MED4: variants seen among roughly 807,000 people sequenced by gnomAD.
MED4 encodes the protein mediator of RNA polymerase II transcription subunit 4.
A neutral mutation model predicts 35.0 loss-of-function variants in MED4; 21 were observed. The observed-to-expected ratio is 0.60, with a 90% CI of 0.43 to 0.86. The LOEUF is 0.86. Ranked by LOEUF, MED4 falls within the 40% of genes least tolerant of loss-of-function variation. MED4 has a pLI of 0.00. For synonymous variants in MED4, 138 were observed against 114.0 expected (o/e 1.21, Z -1.34); for missense variants, 300 against 319.4 (o/e 0.94, Z 0.46).
chr13:48,078,861 A>G (rs1430649223), intron 6 of MED4, among the ~76,000 whole-genome samples: 2 of 152,234 alleles, frequency 1.3e-5, no homozygotes, highest in Non-Finnish European at 2.9e-5. Flanking sequence ...ATTATTAATG[A>G]CACAGGGACA....
chr13:48,082,943 ACTGGCTCTGACTTCATGTACGT>A (rs1402963288), intron 4 of MED4, among the ~76,000 whole-genome samples: 9 of 152,328 alleles, frequency 5.9e-5, no homozygotes, highest in Admixed American at 1.3e-4. Flanking sequence ...CAAGGGTATA[ACTGGCTCTGACTTCATGTACGT>A]CTGGCTCTGA....
chr13:48,080,200 C>G (rs1178257296), intron 5 of MED4, among the ~76,000 whole-genome samples: 1 of 150,674 alleles, frequency 6.6e-6, no homozygotes, highest in Non-Finnish European at 1.5e-5. Context: ...AGTTCAAGAC[C>G]AGCCTGGCCA....
intron 2 of MED4, among the ~76,000 whole-genome samples, chr13:48,090,050 C>G (rs143609994): frequency 6.6e-6 from 1 of 152,088 alleles, no homozygotes; most frequent in South Asian, 2.1e-4. Context: ...ATACAACAAG[C>G]CTTTCTTGGT....
intron 6 of MED4, 200 bp from the exon 7 acceptor site, chr13:48,077,511 A>C: frequency 2.7e-6 from 1 of 374,566 alleles, no homozygotes; most frequent in Non-Finnish European, 4.7e-6. Context: ...ACCTAGGCTC[A>C]AGCAATCCTC....
At position 48,081,671 on chromosome 13, in the gene MED4, A is replaced by G; in HGVS notation, c.482T>C (p.Val161Ala). Residue 161 changes from valine to alanine, a missense_variant, in exon 5 of 7, where the codon GTA becomes GCA. By Grantham distance (64) the Val-to-Ala change is moderately conservative (BLOSUM62 0). Transcript: ENST00000258648. ...YAHRISASNA[V>A]CAPLTWVPGD... ...TGGAACCCAGGTCAGTGGAGCACAT[A>G]CAGCATTACTTGCACTGATCCTATG... 1.9e-6 allele frequency: 3 copies of G among 1,612,096 alleles called. No individual in the cohort carries two copies. The South Asian group carries it at 3.3e-5, about 18-fold the overall frequency.
At chr13:48,081,611 CAT>C in intron 5 of MED4, 32 bp downstream of exon 5, 1 of 1,481,528 alleles carries the variant, frequency 6.7e-7, no homozygotes, top group Non-Finnish European at 9.3e-7. Context: ...TTCAAAACCA[CAT>C]ATATCTAGTA....
intron 2 of MED4, among the ~76,000 whole-genome samples, chr13:48,088,479 C>T (rs1288439175): frequency 6.6e-6 from 1 of 152,196 alleles, no homozygotes; most frequent in African/African-American, 2.4e-5. Flanking sequence ...ATTTAACAGA[C>T]TTCTAATCCT....
chr13:48,089,012 G>A (rs1387429906), intron 2 of MED4, among the ~76,000 whole-genome samples: 1 of 152,162 alleles, frequency 6.6e-6, no homozygotes, highest in East Asian at 1.9e-4. Context: ...TGAATAATCT[G>A]TGTGCCTGGC....
intron 2 of MED4, among the ~76,000 whole-genome samples, chr13:48,087,131 C>T (rs924992862): frequency 2.2e-4 from 34 of 151,456 alleles, no homozygotes; most frequent in African/African-American, 8.0e-4. Flanking sequence ...TTTGGGAGGC[C>T]GAGGCAGGCG....
chr13:48,079,665 G>A (rs569741857), intron 6 of MED4, 179 bp downstream of exon 6: 1 of 585,454 alleles, frequency 1.7e-6, no homozygotes, highest in South Asian at 2.1e-5. Context: ...ACTTGAACCT[G>A]GGAGCCAAGA....
chr13:48,081,789 A>G, intron 4 of MED4, 58 bp from the exon 5 acceptor site: 1 of 1,065,518 alleles, frequency 9.4e-7, no homozygotes, highest in East Asian at 2.6e-5. Flanking sequence ...ACAAGTTTAG[A>G]AATGTATCTA....
At chr13:48,093,150 A>G (rs959067337) in intron 1 of MED4, among the ~76,000 whole-genome samples, 1 of 152,246 alleles carries the variant, frequency 6.6e-6, no homozygotes, top group Non-Finnish European at 1.5e-5. Context: ...TAGAGCCTAC[A>G]TTATTAGCAG....
chr13:48,086,154 T>G, intron 3 of MED4, 128 bp downstream of exon 3: 1 of 803,262 alleles, frequency 1.2e-6, no homozygotes, highest in South Asian at 1.8e-5. Context: ...CAATGGTGAG[T>G]GACAAGATAT....
intron 6 of MED4, 66 bp from the exon 7 acceptor site, chr13:48,077,377 C>G (rs1950768944): frequency 8.1e-7 from 1 of 1,238,340 alleles, no homozygotes; most frequent in Non-Finnish European, 1.1e-6. Flanking sequence ...CTTACTTTTC[C>G]CTTTATGCAA....
chr13:48,094,997 C>T lies in MED4; in HGVS notation c.82G>A (p.Glu28Lys), dbSNP rs1401629201. Reference protein sequence around the residue: ...LGVAGGNSTRERLLSALEDLE... With the variant: ...LGVAGGNSTRKRLLSALEDLE... Reference sequence around the variant, plus strand: ...TCCTCAAGCGCAGACAGCAGCCGCTCTCGTGTGCTGTTACCACCCGCCACT... The same window carrying T: ...TCCTCAAGCGCAGACAGCAGCCGCTTTCGTGTGCTGTTACCACCCGCCACT... Residue 28 changes from glutamate (E) to lysine (K), a missense_variant, in exon 1 of 7, where the codon GAG becomes AAG. Coordinates refer to ENST00000258648, the MANE Select transcript of MED4 (RefSeq NM_014166.4). 1 of 1,604,132 alleles carries T rather than the reference C, an allele frequency of 6.2e-7. No homozygotes were observed. Among genetic ancestry groups the T allele is most frequent in the African/African-American group, 1.3e-5 (1 of 74,914 alleles).
chr13:48,094,760 CCTCTAA>C (rs1950915568), intron 1 of MED4, among the ~76,000 whole-genome samples, 188 bp downstream of exon 1: 1 of 152,144 alleles, frequency 6.6e-6, no homozygotes. Context: ...ACTAAAATTC[CCTCTAA>C]CGGGAAAAAC....
intron 1 of MED4, among the ~76,000 whole-genome samples, chr13:48,093,973 A>C (rs530015710): frequency 6.6e-6 from 1 of 152,352 alleles, no homozygotes; most frequent in South Asian, 2.1e-4. Context: ...TCATTCACCA[A>C]ATCGGGAGTA....
intron 5 of MED4, 65 bp downstream of exon 5, chr13:48,081,580 G>T: frequency 9.2e-7 from 1 of 1,082,056 alleles, no homozygotes; most frequent in Non-Finnish European, 1.4e-6. Context: ...ATCTATGTCT[G>T]TACATAGTCA....
chr13:48,078,306 A>G (rs985304827), intron 6 of MED4, among the ~76,000 whole-genome samples: 1 of 152,158 alleles, frequency 6.6e-6, no homozygotes, highest in Non-Finnish European at 1.5e-5. Flanking sequence ...GCCAGCTGCC[A>G]CAATTAAGTT....
Sources: gnomAD v4.1 joint callset for allele counts (sites outside exome capture counted in the v4.1 genomes callset) on GRCh38, gnomAD v4.1.1 for gene constraint, MANE v1.5 for transcripts, NCBI Gene and HGNC (gene_info 2026-07-23, HGNC 2026-07-21) for gene names.